Variants in ERBB4 observed in about 807,000 individuals in gnomAD.
ERBB4 encodes receptor tyrosine-protein kinase erbB-4.
Under a neutral mutation model 158.0 loss-of-function variants are expected in ERBB4, and 42 were observed. The observed-to-expected ratio is 0.27, with a 90% CI of 0.21 to 0.34. ERBB4 has a LOEUF of 0.34. Ranked by LOEUF, ERBB4 falls within the 10% of genes least tolerant of loss-of-function variation. The probability of loss-of-function intolerance (pLI) is 1.00; values close to 1 mark genes in which losing one functional copy is unlikely to be tolerated. For synonymous variants in ERBB4, 583 were observed against 558.7 expected (o/e 1.04, Z -0.61); for missense variants, 1,333 against 1,624.1 (o/e 0.82, Z 3.08).
chr2:212,362,128 T>C (rs938526912), intron 1 of ERBB4, among the ~76,000 whole-genome samples: 1 of 151,570 alleles, frequency 6.6e-6, no homozygotes, highest in Non-Finnish European at 1.5e-5. Context: ...ATAAAGATTT[T>C]CTACTTTGTT....
chr2:212,500,109 T>A (rs1429990516), intron 1 of ERBB4, among the ~76,000 whole-genome samples: 1 of 152,112 alleles, frequency 6.6e-6, no homozygotes, highest in African/African-American at 2.4e-5. Flanking sequence ...AAATGGTGAC[T>A]TTAGCATTTC....
intron 20 of ERBB4, among the ~76,000 whole-genome samples, chr2:211,502,860 C>G (rs931732611): frequency 1.3e-5 from 2 of 152,190 alleles, no homozygotes; most frequent in African/African-American, 4.8e-5. Context: ...AGATGGATGA[C>G]TAGGTGCAGC....
chr2:211,541,682 C>G (rs1465570005), intron 20 of ERBB4, among the ~76,000 whole-genome samples: 1 of 151,966 alleles, frequency 6.6e-6, no homozygotes, highest in Non-Finnish European at 1.5e-5. Context: ...GTTGCAATTT[C>G]CACTCATGGG....
At chr2:212,004,888 A>G (rs1046777326) in intron 2 of ERBB4, among the ~76,000 whole-genome samples, 1 of 152,144 alleles carries the variant, frequency 6.6e-6, no homozygotes, top group African/African-American at 2.4e-5. Context: ...TAACTAAATT[A>G]CATGATTAAT....
intron 2 of ERBB4, among the ~76,000 whole-genome samples, chr2:212,051,946 G>A (rs1316413378): frequency 6.6e-6 from 1 of 152,034 alleles, no homozygotes; most frequent in Non-Finnish European, 1.5e-5. Flanking sequence ...ATAATTTGTG[G>A]CCTCAGTTTT....
chr2:211,514,355 C>T (rs2065968918), intron 20 of ERBB4, among the ~76,000 whole-genome samples: 1 of 152,108 alleles, frequency 6.6e-6, no homozygotes, highest in African/African-American at 2.4e-5. Context: ...GCAAGGTGAG[C>T]CTCCTCTAAT....
intron 20 of ERBB4, among the ~76,000 whole-genome samples, chr2:211,490,973 G>GAATAT (rs2065326886): frequency 6.6e-6 from 1 of 152,094 alleles, no homozygotes; most frequent in Non-Finnish European, 1.5e-5. Flanking sequence ...TTGGATAGAT[G>GAATAT]AGACTCCTCA....
chr2:211,610,063 T>C (rs569447354), intron 19 of ERBB4, among the ~76,000 whole-genome samples: 1 of 152,228 alleles, frequency 6.6e-6, no homozygotes, highest in South Asian at 2.1e-4. Flanking sequence ...AGCCATGTGA[T>C]CATTGTAATA....
chr2:211,962,907 T>C (rs1360850856), intron 2 of ERBB4, among the ~76,000 whole-genome samples: 1 of 152,172 alleles, frequency 6.6e-6, no homozygotes, highest in African/African-American at 2.4e-5. Flanking sequence ...AACTTTCGGT[T>C]ATCTGATGTT....
chr2:212,418,733 T>C (rs1305537696), intron 1 of ERBB4, among the ~76,000 whole-genome samples: 3 of 151,738 alleles, frequency 2.0e-5, no homozygotes, highest in African/African-American at 7.2e-5. Flanking sequence ...TAAATAACTA[T>C]AATTAGAAAA....
chr2:211,711,241 A>G (rs1449679387), intron 9 of ERBB4, among the ~76,000 whole-genome samples: 4 of 152,164 alleles, frequency 2.6e-5, no homozygotes, highest in African/African-American at 9.7e-5. Flanking sequence ...TTTATTCATA[A>G]TATGTCAAAT....
At chr2:211,541,925 A>G (rs892122975) in intron 20 of ERBB4, among the ~76,000 whole-genome samples, 3 of 152,042 alleles carry the variant, frequency 2.0e-5, no homozygotes, top group Admixed American at 6.6e-5. Context: ...ATCACCACTC[A>G]AAAATGAGCA....
In ERBB4 at chr2:211,866,134, C is replaced by T. The variant is rs537227613; in HGVS notation, c.422-77975G>A. ...GGTGTGGTGGCAGGTGCCTGTAGTC[C>T]CAGCTACTCGGGAGGCTGGGGCAGG... On this transcript the variant is annotated intron_variant, in intron 3 of 27. Coordinates refer to ENST00000342788, the MANE Select transcript of ERBB4 (RefSeq NM_005235.3). Among the ~76,000 whole-genome samples the T allele has an allele frequency of 2.0e-4, 31 of 152,242 alleles. No homozygotes were observed. In the East Asian group the frequency reaches 5.0e-3, roughly 25 times the overall value.
chr2:211,633,726 A>G lies in ERBB4; in HGVS notation c.1947-3132T>C, dbSNP rs539746709. ...GAAGATGTGATTAGGTATTAAAATT[A>G]TCTTAAACAATATTAAAAGATAGAC... On this transcript the variant is annotated intron_variant, in intron 16 of 27. Coordinates refer to ENST00000342788, the MANE Select transcript of ERBB4 (RefSeq NM_005235.3). 8.2e-4 allele frequency among the ~76,000 whole-genome samples: 124 copies of G among 150,410 alleles called. No homozygotes were observed. In the South Asian group the frequency reaches 0.021, roughly 25 times the overall value.
intron 20 of ERBB4, among the ~76,000 whole-genome samples, chr2:211,553,608 C>G (rs115884417): frequency 1.2e-4 from 19 of 152,264 alleles, no homozygotes; most frequent in African/African-American, 4.3e-4. Context: ...TACATTCTTA[C>G]TTTATGCCAA....
chr2:212,015,733 A>G (rs1221308512), intron 2 of ERBB4, among the ~76,000 whole-genome samples: 1 of 152,198 alleles, frequency 6.6e-6, no homozygotes, highest in African/African-American at 2.4e-5. Flanking sequence ...CACCAATAGT[A>G]AACTCACTTC....
At chr2:211,719,245 G>A (rs1386475750) in intron 7 of ERBB4, among the ~76,000 whole-genome samples, 2 of 152,116 alleles carry the variant, frequency 1.3e-5, no homozygotes, top group Admixed American at 1.3e-4. Context: ...AGCGACTTCT[G>A]CAATTTCACC....
At chr2:211,748,600 C>A (rs1474118116) in intron 5 of ERBB4, among the ~76,000 whole-genome samples, 2 of 152,202 alleles carry the variant, frequency 1.3e-5, no homozygotes, top group East Asian at 3.8e-4. Context: ...ACTGGCTGAA[C>A]CCCATGGGCC....
At chr2:211,551,788 T>C (rs558536944) in intron 20 of ERBB4, among the ~76,000 whole-genome samples, 8 of 152,332 alleles carry the variant, frequency 5.3e-5, no homozygotes, top group African/African-American at 1.9e-4. Context: ...CAGACATTCA[T>C]ATTTGAATTT....
Sources: allele counts gnomAD v4.1 joint callset (sites outside exome capture counted in the v4.1 genomes callset), GRCh38; gene constraint gnomAD v4.1.1; transcripts MANE v1.5; gene names NCBI Gene and HGNC (gene_info 2026-07-23, HGNC 2026-07-21).